Variants in TSNAX observed in about 807,000 individuals in gnomAD.
TSNAX encodes translin-associated protein X.
Under a neutral mutation model 33.0 loss-of-function variants are expected in TSNAX, and 12 were observed. The ratio of observed to expected loss-of-function variants is 0.36; its 90% CI spans 0.23 to 0.59. TSNAX has a LOEUF of 0.59. TSNAX is among the 20% of genes least tolerant of loss of function. The pLI is 0.74. For missense variants in TSNAX, 267 were observed against 341.3 expected, an observed-to-expected ratio of 0.78 and a Z score of 1.72; for synonymous variants, 110 against 117.2, an observed-to-expected ratio of 0.94 and a Z score of 0.40.
At chr1:231,560,455 C>G (rs1317830557) in intron 4 of TSNAX, among the ~76,000 whole-genome samples, 3 of 120,616 alleles carry the variant, frequency 2.5e-5, no homozygotes, top group African/African-American at 9.2e-5. Context: ...GCTCTTGTCC[C>G]CCAGGCTGGA....
chr1:231,559,911 A>ACCTACATT (rs1378740490), intron 4 of TSNAX, among the ~76,000 whole-genome samples: 1 of 147,772 alleles, frequency 6.8e-6, no homozygotes, highest in Non-Finnish European at 1.5e-5. Context: ...TTTGACACTT[A>ACCTACATT]CCTACATTAG....
intron 2 of TSNAX, 143 bp from the exon 3 acceptor site, chr1:231,537,070 A>G (rs1659228843): frequency 1.9e-6 from 1 of 531,480 alleles, no homozygotes; most frequent in South Asian, 2.4e-5. Flanking sequence ...TGACCTCATG[A>G]TCCACCTACC....
At chr1:231,545,079 CTTAAAG>C (rs142630714) in intron 4 of TSNAX, among the ~76,000 whole-genome samples, 32,549 of 151,736 alleles carry the variant, frequency 0.21, 3,700 homozygotes, top group Admixed American at 0.29. Context: ...GATGTTTTTT[CTTAAAG>C]TTAAGGAATA....
chr1:231,560,764 T>A (rs192979177), intron 4 of TSNAX, among the ~76,000 whole-genome samples: 2,075 of 151,742 alleles, frequency 0.014, 58 homozygotes, highest in African/African-American at 0.047. Flanking sequence ...CTTAAAAAAA[T>A]TTTTTTTCTG....
chr1:231,539,169 G>T lies in TSNAX; in HGVS notation c.236+1842G>T, dbSNP rs181971121. Among the ~76,000 whole-genome samples the T allele has an allele frequency of 9.9e-5, 15 of 151,994 alleles. No individual in the cohort carries two copies. The South Asian group carries it at 2.1e-3, about 21-fold the overall frequency. ...TGTACATAATAAGGCTTGTATTATC[G>T]AAAGAAGCAATACTGTTCTTATTAA... On this transcript the variant is annotated intron_variant, in intron 3 of 5. Coordinates refer to ENST00000366639, the MANE Select transcript of TSNAX (RefSeq NM_005999.3).
intron 4 of TSNAX, among the ~76,000 whole-genome samples, chr1:231,554,306 TA>T (rs990546606): frequency 8.5e-5 from 13 of 152,078 alleles, no homozygotes; most frequent in African/African-American, 2.4e-4. Context: ...AATTTTAAAA[TA>T]TTTTTTTTGT....
At chr1:231,542,989 C>G (rs1315949302) in intron 4 of TSNAX, 1 of 153,586 alleles carries the variant, frequency 6.5e-6, no homozygotes, top group African/African-American at 2.4e-5. Context: ...CCAGCCTGGC[C>G]AAGATGGTGA....
chr1:231,538,693 C>T (rs1186609286), intron 3 of TSNAX, among the ~76,000 whole-genome samples: 4 of 152,082 alleles, frequency 2.6e-5, no homozygotes, highest in Admixed American at 2.0e-4. Flanking sequence ...ATTAGCTTTT[C>T]GTTATTGAAG....
chr1:231,537,287 G>T lies in TSNAX; in HGVS notation c.196G>T (p.Glu66Ter). The change falls in exon 3 of 6, where the codon GAA (glutamate) becomes TAA (stop). Residue 66 changes from glutamate to a stop codon, truncating the protein, a stop_gained. Transcript: ENST00000366639. LOFTEE classifies it high-confidence loss of function. Reference protein sequence around the residue: ...LVKLSRDITVESKRTIFLLHR... With the variant: ...LVKLSRDITV Reference sequence around the variant, plus strand: ...GAAACTTAGTCGGGATATAACTGTTGAAAGTAAAAGGACAATTTTTCTCCT... The same window carrying T: ...GAAACTTAGTCGGGATATAACTGTTTAAAGTAAAAGGACAATTTTTCTCCT... 6.2e-7 allele frequency: 1 copy of T among 1,613,440 alleles called. No individual in the cohort carries two copies. Among genetic ancestry groups the T allele is most frequent in the Non-Finnish European group, 8.5e-7 (1 of 1,179,778 alleles).
At chr1:231,542,330 G>A (rs1339116649) in intron 3 of TSNAX, 151 bp from the exon 4 acceptor site, 4 of 702,020 alleles carry the variant, frequency 5.7e-6, no homozygotes, top group South Asian at 5.5e-5. Flanking sequence ...ACATTTTCAT[G>A]TTCTCCATAC....
intron 3 of TSNAX, among the ~76,000 whole-genome samples, chr1:231,541,608 A>G (rs1659579853): frequency 6.9e-6 from 1 of 144,536 alleles, no homozygotes; most frequent in East Asian, 2.0e-4. Flanking sequence ...ATTTATCCAC[A>G]TTTACCAATT....
At position 231,560,140 on chromosome 1, in the gene TSNAX, C is replaced by T. The variant is rs148914519; in HGVS notation, c.368-988C>T. 3.5e-3 allele frequency among the ~76,000 whole-genome samples: 525 copies of T among 151,562 alleles called. 3 individuals carry two copies. The highest frequency in any genetic ancestry group is 8.2e-3 in the African/African-American group (340 of 41,426). On this transcript the variant is annotated intron_variant, in intron 4 of 5. Coordinates refer to ENST00000366639, the MANE Select transcript of TSNAX (RefSeq NM_005999.3). ...GACTACAGGCGCCCGCCACCACGCC[C>T]GGCTAAGTTTTTTTATTTTTAGTAG...
chr1:231,564,546 G>T lies in TSNAX; in HGVS notation c.514G>T (p.Asp172Tyr). 6.2e-7 allele frequency: 1 copy of T among 1,613,924 alleles called. No individual in the cohort carries two copies. The highest frequency in any genetic ancestry group is 1.1e-5 in the South Asian group (1 of 91,054). The change falls in exon 6 of 6, where the codon GAT (aspartate) becomes TAT (tyrosine). Residue 172 changes from aspartate (D) to tyrosine (Y), a missense_variant. By Grantham distance (160) the Asp-to-Tyr change is radical. Around this residue, in one of 2 missense-constraint regions of TSNAX, gnomAD observed 200 missense variants for 214.1 expected, o/e 0.93. Coordinates refer to ENST00000366639, the MANE Select transcript of TSNAX (RefSeq NM_005999.3). ...ENKTPSSDAQ[D>Y]KQFGTWRLRV... The stretch of plus-strand genomic sequence containing the variant: ...TTACCAGCCCTCCTCTGATGCACAG[G>T]ATAAGCAGTTTGGTACTTGGAGACT...
intron 3 of TSNAX, among the ~76,000 whole-genome samples, chr1:231,540,459 A>G (rs1034946811): frequency 4.6e-5 from 7 of 152,220 alleles, no homozygotes; most frequent in Admixed American, 2.0e-4. Context: ...GGAGTTTTCC[A>G]GACGACTTTC....
intron 4 of TSNAX, among the ~76,000 whole-genome samples, chr1:231,543,126 C>A (rs938695039): frequency 1.3e-5 from 2 of 150,114 alleles, no homozygotes; most frequent in African/African-American, 2.5e-5. Flanking sequence ...TGCAGTGAGC[C>A]GAGATCGCAC....
intron 4 of TSNAX, among the ~76,000 whole-genome samples, chr1:231,554,983 C>T (rs1282215747): frequency 1.3e-5 from 2 of 152,170 alleles, no homozygotes; most frequent in Non-Finnish European, 2.9e-5. Flanking sequence ...CAGATCCATA[C>T]TCTTAACATG....
chr1:231,552,116 T>C (rs979865877), intron 4 of TSNAX, among the ~76,000 whole-genome samples: 4 of 152,088 alleles, frequency 2.6e-5, no homozygotes, highest in Non-Finnish European at 5.9e-5. Flanking sequence ...GACAACATGA[T>C]GAAACCCCGT....
chr1:231,564,853 A>T lies in TSNAX; in HGVS notation c.821A>T (p.Asp274Val). ...GSEIPKHMLA[D>V]VFSVKTEMID... ...GAAATTCCAAAACATATGTTGGCAG[A>T]TGTGTTTTCAGTTAAAACAGAAATG... Residue 274 changes from aspartate (D) to valine (V), a missense_variant, in exon 6 of 6, where the codon GAT becomes GTT. Coordinates refer to ENST00000366639, the MANE Select transcript of TSNAX (RefSeq NM_005999.3). 1 of 1,614,198 alleles carries T rather than the reference A, an allele frequency of 6.2e-7. No homozygotes were observed. Among genetic ancestry groups the T allele is most frequent in the Non-Finnish European group, 8.5e-7 (1 of 1,180,034 alleles).
chr1:231,536,500 C>G (rs1046073441), intron 2 of TSNAX: 2 of 152,200 alleles, frequency 1.3e-5, no homozygotes, highest in African/African-American at 4.8e-5. Flanking sequence ...ACACGTGCTA[C>G]CTTACTACAA....
Sources: gnomAD v4.1 joint callset for allele counts (sites outside exome capture counted in the v4.1 genomes callset) on GRCh38, gnomAD v4.1.1 for gene constraint, gnomAD v4.1.1 regional missense constraint, MANE v1.5 for transcripts, NCBI Gene and HGNC (gene_info 2026-07-23, HGNC 2026-07-21) for gene names.